Variants in CHD1 observed in about 807,000 individuals in gnomAD.
The protein encoded by CHD1 is chromodomain helicase DNA binding protein 1.
A neutral mutation model predicts 224.2 loss-of-function variants in CHD1; 36 were observed. That is an observed-to-expected ratio of 0.16 (90% CI 0.12 to 0.21). The LOEUF is 0.21. Ranked by LOEUF, CHD1 falls within the 10% of genes least tolerant of loss-of-function variation. CHD1 has a pLI of 1.00. For synonymous variants in CHD1, 668 were observed against 658.3 expected, an observed-to-expected ratio of 1.01 and a Z score of -0.23; for missense variants, 1,378 against 1,994.8, an observed-to-expected ratio of 0.69 and a Z score of 5.89.
intron 17 of CHD1, among the ~76,000 whole-genome samples, chr5:98,887,700 G>A (rs1750743959): frequency 6.6e-6 from 1 of 152,106 alleles, no homozygotes; most frequent in Admixed American, 6.5e-5. Flanking sequence ...CCAATCATCA[G>A]AATCTTGGCA....
chr5:98,921,533 G>A (rs1219118939), intron 2 of CHD1, among the ~76,000 whole-genome samples: 2 of 152,114 alleles, frequency 1.3e-5, no homozygotes, highest in Admixed American at 6.5e-5. Flanking sequence ...CTGGTCCACG[G>A]ACCACAACTG....
chr5:98,892,449 G>A, intron 15 of CHD1, 76 bp downstream of exon 15: 2 of 1,028,322 alleles, frequency 1.9e-6, no homozygotes, highest in Non-Finnish European at 2.8e-6. Context: ...AGAAGGTGGG[G>A]GCACCAAAAG....
Position 98,858,307 on chromosome 5 carries a change from G to A in CHD1, c.4660C>T (p.His1554Tyr). ...YSSDRHLTQY[H>Y]DHHKDRHQGD... ...TGATGTCGGTCTTTATGATGATCAT[G>A]GTACTGAGTTAAGTGTCTATCAGAG... The change falls in exon 35 of 36, where the codon CAT (histidine) becomes TAT (tyrosine). Residue 1554 changes from histidine to tyrosine, a missense_variant. His to Tyr is a moderately conservative substitution (Grantham distance 83). This residue lies in a region of CHD1 where 278 missense variants were observed against 298.5 expected (regional missense o/e 0.93). Coordinates refer to ENST00000614616, the MANE Select transcript of CHD1 (RefSeq NM_001270.4). The A allele has an allele frequency of 6.2e-7, 1 of 1,612,950 alleles. No individual in the cohort carries two copies. The highest frequency in any genetic ancestry group is 8.5e-7 in the Non-Finnish European group (1 of 1,179,110).
chr5:98,914,693 C>T (rs1356200868), intron 2 of CHD1, among the ~76,000 whole-genome samples: 1 of 152,136 alleles, frequency 6.6e-6, no homozygotes, highest in African/African-American at 2.4e-5. Flanking sequence ...AGAATGCTTT[C>T]TCTCCAAAGC....
At chr5:98,883,544 G>A (rs946974358) in intron 18 of CHD1, among the ~76,000 whole-genome samples, 8 of 151,798 alleles carry the variant, frequency 5.3e-5, no homozygotes, top group Non-Finnish European at 1.0e-4. Context: ...GGAAAACAGC[G>A]TGGAAATTCC....
chr5:98,884,627 A>T (rs1750512291), intron 18 of CHD1, among the ~76,000 whole-genome samples: 1 of 152,190 alleles, frequency 6.6e-6, no homozygotes, highest in Non-Finnish European at 1.5e-5. Context: ...TCATTTAACC[A>T]AATATCACCT....
intron 24 of CHD1, 51 bp from the exon 25 acceptor site, chr5:98,875,164 T>A (rs162140): frequency 0.28 from 286,401 of 1,029,786 alleles, 44,413 homozygotes; most frequent in African/African-American, 0.55. Context: ...TTCACTAAAA[T>A]TATACGTATT....
At chr5:98,864,263 G>A (rs115373913) in intron 31 of CHD1, among the ~76,000 whole-genome samples, 1,658 of 152,120 alleles carry the variant, frequency 0.011, 31 homozygotes, top group African/African-American at 0.038. Flanking sequence ...GATAAAATTT[G>A]TAAATGCAAA....
chr5:98,876,591 G>T, intron 23 of CHD1, 33 bp from the exon 24 acceptor site: 1 of 1,584,186 alleles, frequency 6.3e-7, no homozygotes. Context: ...CAACCTTAGT[G>T]TAAAAACAGC....
chr5:98,879,164 G>GA (rs1749982638), intron 23 of CHD1, among the ~76,000 whole-genome samples: 1 of 152,184 alleles, frequency 6.6e-6, no homozygotes, highest in Non-Finnish European at 1.5e-5. Flanking sequence ...AGGCCGGGAG[G>GA]TTAAGGTTGC....
chr5:98,891,915 A>G (rs1050558809), intron 15 of CHD1, among the ~76,000 whole-genome samples: 8 of 152,250 alleles, frequency 5.3e-5, no homozygotes, highest in Non-Finnish European at 1.0e-4. Flanking sequence ...CTTCCATAAT[A>G]AAAATAATTA....
At chr5:98,880,321 C>T (rs781313988) in intron 22 of CHD1, among the ~76,000 whole-genome samples, 10 of 152,232 alleles carry the variant, frequency 6.6e-5, no homozygotes, top group Non-Finnish European at 1.3e-4. Flanking sequence ...GATTACTCAA[C>T]ATTCTGTCTT....
intron 21 of CHD1, 28 bp downstream of exon 21, chr5:98,881,251 C>T (rs773152726): frequency 1.8e-5 from 18 of 988,200 alleles, no homozygotes; most frequent in Non-Finnish European, 2.2e-5. Context: ...CTGAGGCAGG[C>T]CTTTTTTTTT....
In CHD1 at chr5:98,854,287, G is replaced by A. The variant is rs1747873983; in HGVS notation, c.*2093C>T. 1 of 151,874 alleles carries A rather than the reference G, an allele frequency of 6.6e-6. No homozygotes were observed. The highest frequency in any genetic ancestry group is 2.1e-4 in the South Asian group (1 of 4,824). The allele number at this position is 151,874 out of a possible 1,614,324, so 9.4% of individuals were successfully genotyped here. ...TGACTGAAACTTTCAACTAAATGTA[G>A]CACTATTTAAAAAATTAGAGCCTTA... On this transcript the variant is annotated 3_prime_UTR_variant, in exon 36 of 36. Transcript: ENST00000614616.
At chr5:98,909,470 C>A (rs1752252603) in intron 2 of CHD1, among the ~76,000 whole-genome samples, 1 of 152,074 alleles carries the variant, frequency 6.6e-6, no homozygotes. Flanking sequence ...GTACTGCCAG[C>A]CTTATCCATC....
intron 2 of CHD1, among the ~76,000 whole-genome samples, chr5:98,910,341 T>G (rs1261022088): frequency 6.6e-6 from 1 of 152,184 alleles, no homozygotes; most frequent in East Asian, 1.9e-4. Context: ...ATGCAATTCT[T>G]TTTGTTTTCA....
chr5:98,905,580 C>T (rs1751995500), intron 2 of CHD1, among the ~76,000 whole-genome samples: 1 of 152,142 alleles, frequency 6.6e-6, no homozygotes, highest in South Asian at 2.1e-4. Context: ...TGCTTGTTTT[C>T]AAGTTTCCAT....
intron 2 of CHD1, among the ~76,000 whole-genome samples, chr5:98,921,325 A>C (rs1169176433): frequency 6.6e-6 from 1 of 152,242 alleles, no homozygotes; most frequent in East Asian, 1.9e-4. Context: ...GCAGAGAATG[A>C]AAACCATGTA....
chr5:98,906,091 TTC>T lies in CHD1; in HGVS notation c.54-995_54-994del, dbSNP rs200575702. Among the ~76,000 whole-genome samples, 431 of 151,020 alleles carry T rather than the reference TTC, an allele frequency of 2.9e-3. 2 individuals are homozygous for T. Among genetic ancestry groups the T allele is most frequent in the African/African-American group, 6.0e-3 (245 of 40,844 alleles). ...GTATTACTCTAAGACAACACAGTAATTCTCTTTTTCCAGAGCAAGAATTTAGT... is the reference window on the plus strand; with the variant it reads ...GTATTACTCTAAGACAACACAGTAATTCTTTTTCCAGAGCAAGAATTTAGT... On this transcript the variant is annotated intron_variant, in intron 2 of 35. Transcript: ENST00000614616.
Sources: gnomAD v4.1 joint callset for allele counts (sites outside exome capture counted in the v4.1 genomes callset) on GRCh38, gnomAD v4.1.1 for gene constraint, gnomAD v4.1.1 regional missense constraint, MANE v1.5 for transcripts, NCBI Gene and HGNC (gene_info 2026-07-23, HGNC 2026-07-21) for gene names.